The following GRIK5 variants were observed in gnomAD, a reference collection of about 807,000 sequenced individuals.
GRIK5 encodes glutamate ionotropic receptor kainate type subunit 5.
In GRIK5, 43 loss-of-function variants were observed where a neutral mutation model predicts 97.4. The ratio of observed to expected loss-of-function variants is 0.44; its 90% CI spans 0.35 to 0.57. GRIK5 has a LOEUF of 0.57. Ranked by LOEUF, GRIK5 falls within the 20% of genes least tolerant of loss-of-function variation. GRIK5 has a pLI of 0.01. For missense variants in GRIK5, 1,015 were observed against 1,382.0 expected (o/e 0.73, Z 4.21); for synonymous variants, 580 against 583.5 (o/e 0.99, Z 0.09).
rs1394321819 is a variant in GRIK5, at chr19:42,054,434, C to A, written c.942G>T (p.Val314=). ...GGTTCAGCTCTCGGACAGCGCTCACCACCACGTGCACGGCGTCAAACATCA... is the reference window on the plus strand; with the variant it reads ...GGTTCAGCTCTCGGACAGCGCTCACAACCACGTGCACGGCGTCAAACATCA... ...AALMFDAVHV[V]VSAVRELNRS... The change falls in exon 9 of 20, where the codon GTG becomes GTT. Residue 314 remains valine, a synonymous_variant. Coordinates refer to ENST00000593562, the MANE Select transcript of GRIK5 (RefSeq NM_002088.5). 1 of 1,613,552 alleles carries A rather than the reference C, an allele frequency of 6.2e-7. No individual in the cohort carries two copies. Among genetic ancestry groups the A allele is most frequent in the East Asian group, 2.2e-5 (1 of 44,888 alleles).
chr19:42,069,847 G>A lies in GRIK5; in HGVS notation c.-657C>T, dbSNP rs995427880. Among the ~76,000 whole-genome samples, 3 of 152,176 alleles carry A rather than the reference G, an allele frequency of 2.0e-5. No individual in the cohort carries two copies. The highest frequency in any genetic ancestry group is 4.4e-5 in the Non-Finnish European group (3 of 68,008). On this transcript the variant is annotated 5_prime_UTR_variant, in exon 1 of 20. Coordinates refer to ENST00000593562, the MANE Select transcript of GRIK5 (RefSeq NM_002088.5). ...GCCCCCACGGGAAAAGCATGCTGGG[G>A]GCGGGGAGAGCCCGGGAGTGGAGAG...
chr19:42,026,910 A>G (rs997592619), intron 12 of GRIK5, among the ~76,000 whole-genome samples: 2 of 151,940 alleles, frequency 1.3e-5, no homozygotes, highest in Admixed American at 1.3e-4. Flanking sequence ...ACCCGACCCA[A>G]TGAGGCCCTA....
At chr19:42,058,078 C>T (rs993752103) in intron 6 of GRIK5, among the ~76,000 whole-genome samples, 2 of 152,224 alleles carry the variant, frequency 1.3e-5, no homozygotes, top group African/African-American at 4.8e-5. Context: ...GCCTGGCTCC[C>T]AAACCTGAAA....
In GRIK5 at chr19:42,057,389, A is replaced by G. The variant is rs575110373; in HGVS notation, c.688-411T>C. Among the ~76,000 whole-genome samples the G allele has an allele frequency of 1.0e-4, 15 of 150,104 alleles. No individual in the cohort carries two copies. In the South Asian group the frequency reaches 3.2e-3, roughly 32 times the overall value. On this transcript the variant is annotated intron_variant, in intron 6 of 19. Coordinates refer to ENST00000593562, the MANE Select transcript of GRIK5 (RefSeq NM_002088.5). ...AGGGGAATTATCTTTTTTTTTTTTTAAAGACAAGATCTTGCTCTGTCACTC... is the reference window on the plus strand; with the variant it reads ...AGGGGAATTATCTTTTTTTTTTTTTGAAGACAAGATCTTGCTCTGTCACTC...
At chr19:42,016,911 A>C (rs1160928935) in intron 15 of GRIK5, among the ~76,000 whole-genome samples, 1 of 151,402 alleles carries the variant, frequency 6.6e-6, no homozygotes, top group African/African-American at 2.4e-5. Flanking sequence ...TCTGAGCCTA[A>C]CTCCTTGGTA....
chr19:42,068,529 A>C, intron 1 of GRIK5: 2 of 391,714 alleles, frequency 5.1e-6, no homozygotes, highest in Non-Finnish European at 9.0e-6. Flanking sequence ...ATCTGGGGGA[A>C]AGAGGTGGAA....
chr19:42,047,972 CA>C (rs552963887), intron 11 of GRIK5, among the ~76,000 whole-genome samples: 2,328 of 54,926 alleles, frequency 0.042, 9 homozygotes, highest in Non-Finnish European at 0.061. Context: ...GACTCTGTCT[CA>C]AAAAAAAAAA....
intron 17 of GRIK5, among the ~76,000 whole-genome samples, chr19:42,005,251 A>AAAC (rs1555872110): frequency 6.6e-6 from 1 of 151,206 alleles, no homozygotes; most frequent in Non-Finnish European, 1.5e-5. Context: ...AAAAAAAAAA[A>AAAC]AAAAAACAAA....
intron 11 of GRIK5, among the ~76,000 whole-genome samples, chr19:42,045,769 G>C (rs1217711541): frequency 6.6e-6 from 1 of 152,192 alleles, no homozygotes; most frequent in Non-Finnish European, 1.5e-5. Flanking sequence ...GGCTTGCTGT[G>C]TGACAGCAAT....
At chr19:42,066,490 A>G (rs1003609025) in intron 1 of GRIK5, among the ~76,000 whole-genome samples, 1 of 151,936 alleles carries the variant, frequency 6.6e-6, no homozygotes, top group African/African-American at 2.4e-5. Context: ...AAAAAAAGCA[A>G]AGAGAGAGAA....
intron 11 of GRIK5, among the ~76,000 whole-genome samples, chr19:42,043,939 A>C (rs181678457): frequency 6.6e-6 from 1 of 152,260 alleles, no homozygotes; most frequent in Admixed American, 6.5e-5. Context: ...TTAGCAACTG[A>C]TACGGTTAGG....
intron 11 of GRIK5, among the ~76,000 whole-genome samples, chr19:42,047,011 C>T (rs187597061): frequency 2.6e-5 from 4 of 152,126 alleles, no homozygotes; most frequent in African/African-American, 4.8e-5. Context: ...CCTCAGCCTC[C>T]GGAGTAGCTG....
intron 15 of GRIK5, among the ~76,000 whole-genome samples, chr19:42,012,217 CATGTATGTGTATGT>C: frequency 1.3e-5 from 2 of 151,336 alleles, no homozygotes; most frequent in East Asian, 3.9e-4. Flanking sequence ...TGTATATATA[CATGTATGTGTATGT>C]ATGTATGTAT....
intron 12 of GRIK5, among the ~76,000 whole-genome samples, chr19:42,041,566 G>A (rs1326970318): frequency 6.6e-6 from 1 of 152,036 alleles, no homozygotes; most frequent in Non-Finnish European, 1.5e-5. Flanking sequence ...GACACTTAAG[G>A]ATTCAAATCT....
At position 42,056,746 on chromosome 19, in the gene GRIK5, G is replaced by A. The variant is rs575072955; in HGVS notation, c.819C>T (p.Ser273=). ...GGACAAACTCAGGGTAGAAGGGGTG[G>A]GACGTGTTGAACATGGAGAAGCCCA... ...NILGFSMFNT[S]HPFYPEFVRS... is the part of the protein sequence containing the mutation. The change falls in exon 8 of 20, where the codon TCC becomes TCT. Residue 273 remains serine (S), a synonymous_variant. Coordinates refer to ENST00000593562, the MANE Select transcript of GRIK5 (RefSeq NM_002088.5). 8.1e-6 allele frequency: 13 copies of A among 1,613,900 alleles called. 1 individual carries two copies. The Middle Eastern group carries it at 9.9e-4, about 123-fold the overall frequency.
intron 12 of GRIK5, among the ~76,000 whole-genome samples, chr19:42,035,522 A>G (rs999752717): frequency 1.3e-4 from 20 of 152,080 alleles, no homozygotes; most frequent in African/African-American, 4.6e-4. Context: ...CCTGGCCTAC[A>G]TGGTGAAATC....
chr19:42,067,712 G>A (rs1196594342), intron 1 of GRIK5, among the ~76,000 whole-genome samples: 1 of 152,084 alleles, frequency 6.6e-6, no homozygotes, highest in South Asian at 2.1e-4. Context: ...AGGGTTGAGG[G>A]GCAGCAGGTG....
intron 19 of GRIK5, chr19:42,001,991 G>C (rs1290560664): frequency 6.5e-6 from 4 of 613,542 alleles, no homozygotes; most frequent in Non-Finnish European, 8.7e-6. Flanking sequence ...CCCAACGAGG[G>C]AGCCTGGGAA....
At chr19:42,043,600 C>T (rs557183508) in intron 11 of GRIK5, among the ~76,000 whole-genome samples, 89 of 151,804 alleles carry the variant, frequency 5.9e-4, no homozygotes, top group Non-Finnish European at 8.4e-4. Flanking sequence ...TTAGTAGAGA[C>T]GGGGTTTCAC....
Sources: gnomAD v4.1 joint callset for allele counts (sites outside exome capture counted in the v4.1 genomes callset) on GRCh38, gnomAD v4.1.1 for gene constraint, MANE v1.5 for transcripts, NCBI Gene and HGNC (gene_info 2026-07-23, HGNC 2026-07-21) for gene names.